Variants in FBXO3 observed in about 807,000 individuals in gnomAD.
The protein encoded by FBXO3 is F-box only protein 3.
In FBXO3, 17 loss-of-function variants were observed where a neutral mutation model predicts 64.8. The observed-to-expected ratio is 0.26, with a 90% CI of 0.18 to 0.39. The LOEUF is 0.39. Ranked by LOEUF, FBXO3 falls within the 10% of genes least tolerant of loss-of-function variation. The pLI, the probability that FBXO3 is intolerant of heterozygous loss-of-function variation, is 1.00. For synonymous variants in FBXO3, 182 were observed against 201.6 expected, an observed-to-expected ratio of 0.90 and a Z score of 0.82; for missense variants, 420 against 589.9, an observed-to-expected ratio of 0.71 and a Z score of 2.98.
At chr11:33,757,166 A>AT (rs1855118542) in intron 4 of FBXO3, 2 of 494,530 alleles carry the variant, frequency 4.0e-6, no homozygotes, top group Non-Finnish European at 8.1e-6. Flanking sequence ...CCAGGTTCCA[A>AT]TAAGAACAGT....
At chr11:33,759,609 A>G (rs1431074138) in intron 3 of FBXO3, among the ~76,000 whole-genome samples, 1 of 152,254 alleles carries the variant, frequency 6.6e-6, no homozygotes, top group African/African-American at 2.4e-5. Flanking sequence ...GCCAAAAGCA[A>G]AAGTAATCTC....
At chr11:33,756,022 G>C (rs1855088770) in intron 4 of FBXO3, 47 bp from the exon 5 acceptor site, 1 of 1,478,920 alleles carries the variant, frequency 6.8e-7, no homozygotes, top group Admixed American at 1.7e-5. Flanking sequence ...CAGTGCCAAA[G>C]AGCTGTGCTT....
chr11:33,749,642 G>T (rs1192618182), intron 8 of FBXO3, among the ~76,000 whole-genome samples: 1 of 152,126 alleles, frequency 6.6e-6, no homozygotes, highest in East Asian at 1.9e-4. Flanking sequence ...GCGATTATAG[G>T]CGTGGGCCAC....
intron 3 of FBXO3, among the ~76,000 whole-genome samples, chr11:33,766,578 C>A (rs1855377091): frequency 6.6e-6 from 1 of 152,162 alleles, no homozygotes; most frequent in African/African-American, 2.4e-5. Context: ...CCTTCCAACT[C>A]TAAAATTCTA....
At chr11:33,752,063 G>T (rs1306536540) in intron 6 of FBXO3, among the ~76,000 whole-genome samples, 2 of 152,220 alleles carry the variant, frequency 1.3e-5, no homozygotes, top group Non-Finnish European at 2.9e-5. Context: ...AATTTTGGCA[G>T]AAGCCAGGCT....
At chr11:33,754,273 C>A in intron 6 of FBXO3, 182 bp downstream of exon 6, 2 of 498,540 alleles carry the variant, frequency 4.0e-6, no homozygotes, top group East Asian at 3.3e-5. Context: ...TAAAAATATT[C>A]AATACAAAAA....
chr11:33,750,964 T>C (rs1390789350), intron 7 of FBXO3, among the ~76,000 whole-genome samples: 2 of 152,110 alleles, frequency 1.3e-5, no homozygotes, highest in East Asian at 3.9e-4. Flanking sequence ...TAAGGAAACT[T>C]TTGGGACATC....
chr11:33,758,671 T>A, intron 3 of FBXO3, 70 bp from the exon 4 acceptor site: 1 of 1,010,806 alleles, frequency 9.9e-7, no homozygotes, highest in Non-Finnish European at 1.5e-6. Flanking sequence ...GCAATCTATC[T>A]GCTAACTAAT....
chr11:33,744,998 AAAC>A (rs1163725337), intron 10 of FBXO3: 1 of 152,214 alleles, frequency 6.6e-6, no homozygotes, highest in South Asian at 2.1e-4. Context: ...CATTAAAAAC[AAAC>A]AAGATTCCAA....
Position 33,768,204 on chromosome 11 carries a change from ATCTG to A in FBXO3, c.358+643_358+646del, listed in dbSNP as rs145317759. Reference sequence around the variant, plus strand: ...GCAGGTAAGTAGCAATCAATCTACAATCTGTCTATTTTCATGATCATTAATTAAA... The same window carrying A: ...GCAGGTAAGTAGCAATCAATCTACAATCTATTTTCATGATCATTAATTAAA... On this transcript the variant is annotated intron_variant, in intron 3 of 10. Coordinates refer to ENST00000265651, the MANE Select transcript of FBXO3 (RefSeq NM_012175.4). Among the ~76,000 whole-genome samples, 437 of 152,334 alleles carry A rather than the reference ATCTG, an allele frequency of 2.9e-3. 3 individuals carry two copies. The highest frequency in any genetic ancestry group is 0.01 in the Middle Eastern group (3 of 294).
At position 33,755,708 on chromosome 11, in the gene FBXO3, C is replaced by T; in HGVS notation, c.678+63G>A. 29 of 1,179,336 alleles carry T rather than the reference C, an allele frequency of 2.5e-5. No homozygotes were observed. The South Asian group carries it at 3.3e-4, about 13-fold the overall frequency. The allele number at this position is 1,179,336 out of a possible 1,614,324, so 73.1% of individuals were successfully genotyped here. A position where few individuals can be genotyped will look rare whatever the true frequency, so the allele number is the denominator to read the frequency against. On this transcript the variant is annotated intron_variant, in intron 5 of 10. Coordinates refer to ENST00000265651, the MANE Select transcript of FBXO3 (RefSeq NM_012175.4). ...TCTACAATCCTGAAAATACCTAATGCATGCATTTATACAACCATCAGAACA... is the reference window on the plus strand; with the variant it reads ...TCTACAATCCTGAAAATACCTAATGTATGCATTTATACAACCATCAGAACA...
chr11:33,746,021 G>A (rs1241364738), intron 10 of FBXO3: 3 of 151,982 alleles, frequency 2.0e-5, no homozygotes, highest in South Asian at 2.1e-4. Flanking sequence ...ACATTTAGAT[G>A]GAATGGACAA....
At chr11:33,766,665 A>G (rs1416810241) in intron 3 of FBXO3, among the ~76,000 whole-genome samples, 1 of 152,238 alleles carries the variant, frequency 6.6e-6, no homozygotes, top group African/African-American at 2.4e-5. Flanking sequence ...GCTCCATAAA[A>G]ATTTCTCCAA....
intron 3 of FBXO3, among the ~76,000 whole-genome samples, chr11:33,764,062 ATC>A (rs1440706656): frequency 6.6e-6 from 1 of 152,240 alleles, no homozygotes; most frequent in Non-Finnish European, 1.5e-5. Flanking sequence ...TCATAGAGAC[ATC>A]AACAATGTAT....
Position 33,741,817 on chromosome 11 carries a change from A to G in FBXO3, c.*91T>C. ...AATATTTCATGCTAGTTTTCCTGCT[A>G]TATGCAGAGAACAATTTAGTTATTT... On this transcript the variant is annotated 3_prime_UTR_variant, in exon 11 of 11. Transcript: ENST00000265651. 9 of 1,264,432 alleles carry G rather than the reference A, an allele frequency of 7.1e-6. No individual in the cohort carries two copies. The highest frequency in any genetic ancestry group is 8.4e-6 in the Non-Finnish European group (8 of 956,022). The allele number at this position is 1,264,432 out of a possible 1,614,324, so 78.3% of individuals were successfully genotyped here.
At chr11:33,774,285 T>C (rs955171012) in intron 1 of FBXO3, 109 bp downstream of exon 1, 5 of 950,454 alleles carry the variant, frequency 5.3e-6, no homozygotes, top group African/African-American at 1.7e-5. Context: ...CGTCACCTTC[T>C]GGTGTCGCGG....
At chr11:33,761,925 G>A (rs1351379671) in intron 3 of FBXO3, among the ~76,000 whole-genome samples, 2 of 152,120 alleles carry the variant, frequency 1.3e-5, no homozygotes, top group Non-Finnish European at 2.9e-5. Context: ...CTTCTGGAAG[G>A]GCCCCCAGTC....
At chr11:33,748,112 AC>A (rs1437865498) in intron 9 of FBXO3, among the ~76,000 whole-genome samples, 2 of 152,152 alleles carry the variant, frequency 1.3e-5, no homozygotes, top group Non-Finnish European at 2.9e-5. Flanking sequence ...TCCTTATACC[AC>A]TGGACCAAAT....
chr11:33,773,391 C>T (rs1409860285), intron 1 of FBXO3: 2 of 152,266 alleles, frequency 1.3e-5, no homozygotes, highest in Non-Finnish European at 2.9e-5. Flanking sequence ...TCTGTAGCTC[C>T]AAGAAATCTG....
Sources: gnomAD v4.1 joint callset for allele counts (sites outside exome capture counted in the v4.1 genomes callset) on GRCh38, gnomAD v4.1.1 for gene constraint, MANE v1.5 for transcripts, NCBI Gene and HGNC (gene_info 2026-07-23, HGNC 2026-07-21) for gene names.